Variants in DYNC2H1 observed in about 807,000 individuals in gnomAD.
DYNC2H1 encodes dynein cytoplasmic 2 heavy chain 1, also known as cytoplasmic dynein 2 heavy chain 1.
A neutral mutation model predicts 570.0 loss-of-function variants in DYNC2H1; 410 were observed. That is an observed-to-expected ratio of 0.72 (90% CI 0.66 to 0.78). The LOEUF (loss-of-function observed/expected upper bound fraction) is 0.78. DYNC2H1 is among the 30% of genes least tolerant of loss of function. DYNC2H1 has a pLI of 0.00. For synonymous variants in DYNC2H1, 1,688 were observed against 1,677.6 expected (o/e 1.01, Z -0.15); for missense variants, 4,865 against 5,046.4 (o/e 0.96, Z 1.09).
chr11:103,445,197 G>A (rs1944384550), intron 85 of DYNC2H1, among the ~76,000 whole-genome samples: 1 of 152,136 alleles, frequency 6.6e-6, no homozygotes, highest in Admixed American at 6.5e-5. Flanking sequence ...CGAACTAGTT[G>A]AGGAAATTAT....
At chr11:103,111,014 T>A (rs189378818) in intron 1 of DYNC2H1, among the ~76,000 whole-genome samples, 2 of 152,226 alleles carry the variant, frequency 1.3e-5, no homozygotes, top group East Asian at 3.9e-4. Flanking sequence ...TTAGTAGAAA[T>A]GGGGTTTCAC....
At chr11:103,191,028 ATT>A (rs577789493) in intron 45 of DYNC2H1, among the ~76,000 whole-genome samples, 4,392 of 111,188 alleles carry the variant, frequency 0.04, 100 homozygotes, top group Admixed American at 0.056. Flanking sequence ...ATATATATAT[ATT>A]TTTTTTCTTT....
chr11:103,178,999 G>T, intron 38 of DYNC2H1, 27 bp from the exon 39 acceptor site: 2 of 1,573,654 alleles, frequency 1.3e-6, no homozygotes, highest in Non-Finnish European at 1.7e-6. Context: ...TTTTTATTTT[G>T]TCTCCACTGT....
chr11:103,311,770 G>A, intron 78 of DYNC2H1, 108 bp from the exon 79 acceptor site: 1 of 1,077,196 alleles, frequency 9.3e-7, no homozygotes, highest in Non-Finnish European at 1.3e-6. Context: ...CTCAAACCCG[G>A]TAAGCAGTGA....
At chr11:103,418,272 T>C (rs1425818502) in intron 84 of DYNC2H1, among the ~76,000 whole-genome samples, 2 of 152,150 alleles carry the variant, frequency 1.3e-5, no homozygotes, top group African/African-American at 2.4e-5. Context: ...ATTTACAAAA[T>C]CTTAAGGAAT....
intron 77 of DYNC2H1, 98 bp from the exon 78 acceptor site, chr11:103,307,623 C>T: frequency 1.7e-6 from 1 of 601,236 alleles, no homozygotes; most frequent in Non-Finnish European, 2.8e-6. Flanking sequence ...CAGAATGTCA[C>T]AAAAGTTTTA....
chr11:103,444,483 A>G (rs2135776732), intron 85 of DYNC2H1, among the ~76,000 whole-genome samples: 1 of 152,264 alleles, frequency 6.6e-6, no homozygotes, highest in East Asian at 1.9e-4. Flanking sequence ...GGATGTCAGA[A>G]CAGTGTTAAA....
rs1555119725 is a variant in DYNC2H1, at chr11:103,399,327, T to TG, written c.12157-335dup. ...TCGGCTAATTTTTTTTTTTTTTTTT[T>TG]GTATTTTTAGTAGAGGCGGGGTTTC... On this transcript the variant is annotated intron_variant, in intron 83 of 88. Transcript: ENST00000375735. Among the ~76,000 whole-genome samples, 431 of 136,368 alleles carry TG rather than the reference T, an allele frequency of 3.2e-3. 9 individuals carry two copies. The highest frequency in any genetic ancestry group is 0.015 in the Middle Eastern group (4 of 260). The allele number at this position is 136,368 out of a possible 152,430, so 89.5% of individuals were successfully genotyped here.
intron 38 of DYNC2H1, 149 bp from the exon 39 acceptor site, chr11:103,178,877 G>A: frequency 1.5e-6 from 1 of 673,252 alleles, no homozygotes; most frequent in South Asian, 2.6e-5. Flanking sequence ...CTGAGTCTTT[G>A]GCCAGCTGAG....
At chr11:103,478,847 T>C (rs1338469265) in intron 88 of DYNC2H1, among the ~76,000 whole-genome samples, 1 of 152,198 alleles carries the variant, frequency 6.6e-6, no homozygotes, top group Non-Finnish European at 1.5e-5. Context: ...TGTAAATATT[T>C]ATAGGTGAAA....
chr11:103,220,720 A>G lies in DYNC2H1; in HGVS notation c.9044A>G (p.Asp3015Gly), dbSNP rs137853027. Reference sequence around the variant, plus strand: ...CGCATGCCACCTGATGTAATTAGAGATATTCTTGAAGGAGTTTTAAGGTTG... The same window carrying G: ...CGCATGCCACCTGATGTAATTAGAGGTATTCTTGAAGGAGTTTTAAGGTTG... ...SLRMPPDVIR[D>G]ILEGVLRLMG... Residue 3015 changes from aspartate to glycine, a missense_variant, in exon 57 of 89, where the codon GAT (aspartate) becomes GGT (glycine). Around this residue, in one of 5 missense-constraint regions of DYNC2H1, gnomAD observed 2,401 missense variants for 2,454.6 expected, o/e 0.98. Coordinates refer to ENST00000375735, the MANE Select transcript of DYNC2H1 (RefSeq NM_001377.3). 2.4e-4 allele frequency: 392 copies of G among 1,612,940 alleles called. No individual in the cohort carries two copies. Among genetic ancestry groups the G allele is most frequent in the Non-Finnish European group, 2.8e-4 (334 of 1,179,326 alleles).
chr11:103,356,126 C>T (rs897394079), intron 82 of DYNC2H1, among the ~76,000 whole-genome samples: 1 of 151,894 alleles, frequency 6.6e-6, no homozygotes, highest in Non-Finnish European at 1.5e-5. Flanking sequence ...TAAATTTTAT[C>T]CCTTTTGATA....
intron 10 of DYNC2H1, among the ~76,000 whole-genome samples, 166 bp downstream of exon 10, chr11:103,121,662 C>T (rs1314939719): frequency 1.3e-5 from 2 of 152,092 alleles, no homozygotes; most frequent in East Asian, 1.9e-4. Context: ...GCAGAGGAGT[C>T]GTAATGGTTC....
intron 84 of DYNC2H1, among the ~76,000 whole-genome samples, chr11:103,422,064 G>A (rs531373762): frequency 1.1e-4 from 17 of 152,014 alleles, no homozygotes; most frequent in South Asian, 2.1e-4. Flanking sequence ...CTATAAACAC[G>A]TCTATACACA....
rs1864568773 is a variant in DYNC2H1, at chr11:103,245,234, C to CT, written c.9919-11dup. The CT allele has an allele frequency of 1.3e-6, 2 of 1,492,062 alleles. No homozygotes were observed. The highest frequency in any genetic ancestry group is 9.0e-7 in the Non-Finnish European group (1 of 1,111,286). 92.4% of individuals were successfully genotyped at this position (1,492,062 alleles called of 1,614,324 possible). On this transcript the variant is annotated splice_polypyrimidine_tract_variant and intron_variant, in intron 64 of 88. Coordinates refer to ENST00000375735, the MANE Select transcript of DYNC2H1 (RefSeq NM_001377.3). The surrounding 1 kb of genome is among the most constrained non-coding windows in gnomAD (Gnocchi z 4.5). ...AGTAATTAAATAATTAATACGTATT[C>CT]TTTTTTATTCAATTAGGATAGTAAC...
At chr11:103,111,932 T>C (rs1435413365) in intron 1 of DYNC2H1, among the ~76,000 whole-genome samples, 1 of 152,038 alleles carries the variant, frequency 6.6e-6, no homozygotes, top group Non-Finnish European at 1.5e-5. Context: ...CTTAAAGGAG[T>C]AACATTGGAA....
At position 103,449,277 on chromosome 11, in the gene DYNC2H1, A is replaced by G. The variant is rs924784823; in HGVS notation, c.12457-5909A>G. ...TTTAGAATTCAGGCAGGAACAGACA[A>G]TGCAGGCGTTGTCTGCTATCAAAAG... On this transcript the variant is annotated intron_variant, in intron 85 of 88. Coordinates refer to ENST00000375735, the MANE Select transcript of DYNC2H1 (RefSeq NM_001377.3). Among the ~76,000 whole-genome samples the G allele has an allele frequency of 2.0e-5, 3 of 152,182 alleles. No homozygotes were observed. In the South Asian group the frequency reaches 6.2e-4, roughly 32 times the overall value.
chr11:103,143,470 G>A (rs1860074443), intron 18 of DYNC2H1, 75 bp downstream of exon 18: 7 of 1,413,488 alleles, frequency 5.0e-6, no homozygotes, highest in Non-Finnish European at 6.5e-6. Flanking sequence ...TCTCTACTTA[G>A]TGGCATTGAA....
intron 6 of DYNC2H1, among the ~76,000 whole-genome samples, chr11:103,120,085 AGTT>A (rs940758403): frequency 2.0e-5 from 3 of 152,202 alleles, no homozygotes; most frequent in African/African-American, 4.8e-5. Flanking sequence ...GAAAATCAGA[AGTT>A]ATTACTATAT....
Sources: allele counts gnomAD v4.1 joint callset (sites outside exome capture counted in the v4.1 genomes callset), GRCh38; gene constraint gnomAD v4.1.1; regional missense constraint gnomAD v4.1.1; non-coding constraint Gnocchi (gnomAD v3.1); transcripts MANE v1.5; gene names NCBI Gene and HGNC (gene_info 2026-07-23, HGNC 2026-07-21).